The following SLC20A2 variants were observed in gnomAD, a reference collection of about 807,000 sequenced individuals.
SLC20A2 encodes the protein solute carrier family 20 member 2, also known as sodium-dependent phosphate transporter 2.
Under a neutral mutation model 61.0 loss-of-function variants are expected in SLC20A2, and 30 were observed. The observed-to-expected ratio is 0.49, with a 90% CI of 0.37 to 0.67. The LOEUF (loss-of-function observed/expected upper bound fraction) is 0.67. Ranked by LOEUF, SLC20A2 falls within the 30% of genes least tolerant of loss-of-function variation. The pLI is 0.00. For missense variants in SLC20A2, 626 were observed against 866.4 expected, an observed-to-expected ratio of 0.72 and a Z score of 3.48; for synonymous variants, 351 against 353.3, an observed-to-expected ratio of 0.99 and a Z score of 0.07.
At chr8:42,484,792 T>C (rs970625144) in intron 1 of SLC20A2, 20 of 314,326 alleles carry the variant, frequency 6.4e-5, no homozygotes, top group African/African-American at 3.1e-4. Flanking sequence ...TCCCATATCA[T>C]GCGGGAGCAC....
chr8:42,438,286 T>C (rs1447814741), intron 7 of SLC20A2, among the ~76,000 whole-genome samples: 1 of 152,126 alleles, frequency 6.6e-6, no homozygotes, highest in Non-Finnish European at 1.5e-5. Context: ...ACCCACTTCG[T>C]GTGAGGTAGA....
At chr8:42,423,786 T>A (rs1803205151) in intron 10 of SLC20A2, among the ~76,000 whole-genome samples, 1 of 152,246 alleles carries the variant, frequency 6.6e-6, no homozygotes, top group Non-Finnish European at 1.5e-5. Context: ...TTGCTACTGA[T>A]CATGTCTTCC....
chr8:42,541,305 C>A (rs1169331323), intron 1 of SLC20A2: 4 of 149,164 alleles, frequency 2.7e-5, no homozygotes, highest in Non-Finnish European at 6.0e-5. Context: ...CGCAACCCGC[C>A]GCCGCCGCGA....
intron 1 of SLC20A2, among the ~76,000 whole-genome samples, chr8:42,478,074 C>T (rs1333739396): frequency 6.6e-6 from 1 of 151,556 alleles, no homozygotes. Context: ...TTAGTAGAGA[C>T]ACGGTTTCAC....
intron 6 of SLC20A2, among the ~76,000 whole-genome samples, chr8:42,443,197 A>G (rs1191700159): frequency 6.9e-6 from 1 of 144,566 alleles, no homozygotes; most frequent in Admixed American, 7.0e-5. Context: ...CAGTTATTGT[A>G]TAGTATAATT....
intron 1 of SLC20A2, among the ~76,000 whole-genome samples, chr8:42,533,529 C>G (rs150178517): frequency 3.0e-4 from 45 of 152,070 alleles, no homozygotes; most frequent in Middle Eastern, 3.4e-3. Flanking sequence ...AGCACGAGAA[C>G]TGCTTGAGCC....
intron 5 of SLC20A2, among the ~76,000 whole-genome samples, chr8:42,453,035 A>G (rs756793932): frequency 6.6e-6 from 1 of 152,172 alleles, no homozygotes; most frequent in African/African-American, 2.4e-5. Flanking sequence ...CTGTGGGTCC[A>G]GGGCTGGGCC....
At position 42,472,423 on chromosome 8, in the gene SLC20A2, G is replaced by T; in HGVS notation, c.-33C>A. ...AGTGGGTGCCGGGTACTTTTCTTTT[G>T]CAGGAATATTTTAAATAAACAAAGC... On this transcript the variant is annotated 5_prime_UTR_variant, in exon 2 of 11. Coordinates refer to ENST00000520262, the MANE Select transcript of SLC20A2 (RefSeq NM_001257180.2). This position sits in a 1 kb window ranked among gnomAD's most constrained non-coding sequence, Gnocchi z 4.1. 6.3e-7 allele frequency: 1 copy of T among 1,589,894 alleles called. No homozygotes were observed. The highest frequency in any genetic ancestry group is 2.2e-5 in the East Asian group (1 of 44,590).
chr8:42,464,750 A>C (rs990258576), intron 3 of SLC20A2, among the ~76,000 whole-genome samples: 1 of 152,096 alleles, frequency 6.6e-6, no homozygotes, highest in Non-Finnish European at 1.5e-5. Context: ...AGGCAGGTGG[A>C]TTGACTGAGC....
rs1417091086 is a variant in SLC20A2, at chr8:42,463,009, T to A, written c.512A>T (p.Lys171Ile). 1 of 1,589,512 alleles carries A rather than the reference T, an allele frequency of 6.3e-7. No homozygotes were observed. Among genetic ancestry groups the A allele is most frequent in the Admixed American group, 1.8e-5 (1 of 55,342 alleles). ...AAAAGTAGCAGCCCCACTTACCTTT[T>A]TTAAGATGAAAATTCTGATGAGTAC... ...LFVLIRIFILKKEDPVPNGLR... is the reference protein window; with the variant it reads ...LFVLIRIFILIKEDPVPNGLR... The change falls in exon 4 of 11, where the codon AAA becomes ATA. Residue 171 changes from lysine (K) to isoleucine (I), a missense_variant. Lys to Ile is a moderately radical substitution (Grantham distance 102). Coordinates refer to ENST00000520262, the MANE Select transcript of SLC20A2 (RefSeq NM_001257180.2).
chr8:42,533,418 C>A (rs919229798), intron 1 of SLC20A2, among the ~76,000 whole-genome samples: 1 of 152,018 alleles, frequency 6.6e-6, no homozygotes, highest in South Asian at 2.1e-4. Context: ...GAGTTCAAGA[C>A]CAGCCTGGCC....
chr8:42,485,583 A>G (rs1056222250), intron 1 of SLC20A2, among the ~76,000 whole-genome samples: 4 of 141,074 alleles, frequency 2.8e-5, no homozygotes, highest in Non-Finnish European at 4.5e-5. Flanking sequence ...CAGAGGTTGC[A>G]GTGAGCCGAG....
chr8:42,455,660 A>AG (rs1161000804), intron 5 of SLC20A2, among the ~76,000 whole-genome samples: 1 of 152,144 alleles, frequency 6.6e-6, no homozygotes, highest in East Asian at 1.9e-4. Flanking sequence ...AAAAAAAAAA[A>AG]AATTTGTTAA....
chr8:42,514,330 GA>G (rs1314017197), intron 1 of SLC20A2, among the ~76,000 whole-genome samples: 2 of 152,208 alleles, frequency 1.3e-5, no homozygotes, highest in Admixed American at 6.5e-5. Flanking sequence ...GTAACAGTGT[GA>G]AGAGAAGATT....
At chr8:42,438,346 C>T (rs1028339971) in intron 7 of SLC20A2, among the ~76,000 whole-genome samples, 4 of 152,188 alleles carry the variant, frequency 2.6e-5, no homozygotes, top group African/African-American at 9.7e-5. Context: ...AGGGTCTCAG[C>T]TCTGTCACCC....
chr8:42,498,264 G>A (rs1281437944), intron 1 of SLC20A2, among the ~76,000 whole-genome samples: 1 of 152,188 alleles, frequency 6.6e-6, no homozygotes, highest in East Asian at 1.9e-4. Context: ...GGGGGGCAAG[G>A]CTTCTGGGGT....
At chr8:42,423,331 A>C (rs994841722) in intron 10 of SLC20A2, among the ~76,000 whole-genome samples, 20 of 136,004 alleles carry the variant, frequency 1.5e-4, no homozygotes, top group African/African-American at 6.6e-4. Flanking sequence ...CTTATCTTTA[A>C]ACTTTTTTTT....
rs1803741257 is a variant in SLC20A2 at position 42,430,208 on chromosome 8, T to C, written c.1565A>G (p.Lys522Arg). 1 of 1,613,704 alleles carries C rather than the reference T, an allele frequency of 6.2e-7. No homozygotes were observed. Among genetic ancestry groups the C allele is most frequent in the African/African-American group, 1.3e-5 (1 of 74,906 alleles). The change falls in exon 9 of 11, where the codon AAA becomes AGA. Residue 522 changes from lysine to arginine, a missense_variant. Coordinates refer to ENST00000520262, the MANE Select transcript of SLC20A2 (RefSeq NM_001257180.2). ...TGCTTCTTGCGTTACCCCGCCTTGTTTGTAAATCAGCCACAAGGCTACCAG... is the reference window on the plus strand; with the variant it reads ...TGCTTCTTGCGTTACCCCGCCTTGTCTGTAAATCAGCCACAAGGCTACCAG... ...GPLVALWLIY[K>R]QGGVTQEAAT...
chr8:42,540,143 T>A (rs1289650880), intron 1 of SLC20A2, among the ~76,000 whole-genome samples: 1 of 152,046 alleles, frequency 6.6e-6, no homozygotes, highest in African/African-American at 2.4e-5. Flanking sequence ...AATACAAAAC[T>A]TAGCTGGGCG....
Sources: gnomAD v4.1 joint callset for allele counts (sites outside exome capture counted in the v4.1 genomes callset) on GRCh38, gnomAD v4.1.1 for gene constraint, Gnocchi (gnomAD v3.1) non-coding constraint, MANE v1.5 for transcripts, NCBI Gene and HGNC (gene_info 2026-07-23, HGNC 2026-07-21) for gene names.